NFKBIZ: variants seen among roughly 807,000 people sequenced by gnomAD.
NFKBIZ encodes the protein NFKB inhibitor zeta, also known as NF-kappa-B inhibitor zeta.
In NFKBIZ, 19 loss-of-function variants were observed where a neutral mutation model predicts 76.8. The observed-to-expected ratio is 0.25, with a 90% CI of 0.17 to 0.36. NFKBIZ has a LOEUF of 0.36. Among genes scored for constraint, NFKBIZ ranks in the 10% least tolerant of loss-of-function variants. The pLI is 1.00. For missense variants in NFKBIZ, 829 were observed against 910.9 expected (o/e 0.91, Z 1.16); for synonymous variants, 368 against 354.8 (o/e 1.04, Z -0.42).
At chr3:101,847,747 T>C (rs753532900), upstream of NFKBIZ, among the ~76,000 whole-genome samples, 3 of 152,250 alleles carry the variant, frequency 2.0e-5, no homozygotes, top group Non-Finnish European at 4.4e-5. Context: ...ATGGAGTTCA[T>C]TATTGACTTA....
At chr3:101,853,957 C>T in intron 5 of NFKBIZ, 94 bp downstream of exon 5, 1 of 1,230,146 alleles carries the variant, frequency 8.1e-7, no homozygotes, top group Non-Finnish European at 1.1e-6. Flanking sequence ...CAAGGTATAC[C>T]TTAGTTAGTG....
chr3:101,834,627 C>T (rs921130051), intron 2 of NFKBIZ, among the ~76,000 whole-genome samples: 9 of 152,258 alleles, frequency 5.9e-5, no homozygotes, highest in Non-Finnish European at 1.2e-4. Flanking sequence ...TCCCAAAGTG[C>T]TGGGATCACA....
At chr3:101,837,159 G>A (rs1029432895) in intron 2 of NFKBIZ, among the ~76,000 whole-genome samples, 3 of 152,108 alleles carry the variant, frequency 2.0e-5, no homozygotes, top group Non-Finnish European at 4.4e-5. Flanking sequence ...ACCTTAGGTA[G>A]GATAGGCATT....
At chr3:101,852,816 A>G (rs1331886779) in intron 3 of NFKBIZ, 48 bp downstream of exon 3, 36 of 1,602,746 alleles carry the variant, frequency 2.2e-5, no homozygotes, top group Non-Finnish European at 2.9e-5. Context: ...TGGAGTAAAT[A>G]ATAGAGTGTA....
At chr3:101,849,507 C>G (rs975879576), upstream of NFKBIZ, 4 of 857,674 alleles carry the variant, frequency 4.7e-6, no homozygotes, top group African/African-American at 3.6e-5. Context: ...AGTCCCGCGC[C>G]GCGCCCGTAC....
rs1254005751 is a variant in NFKBIZ, at chr3:101,855,851, G to T, written c.1773G>T (p.Leu591=). 16 of 1,613,430 alleles carry T rather than the reference G, an allele frequency of 9.9e-6. No individual in the cohort carries two copies. The highest frequency in any genetic ancestry group is 1.3e-5 in the African/African-American group (1 of 74,818). The part of the protein sequence containing the change: ...VQELLLKNKS[L]VDTIKCLIQM... ...AGCTTTTACTGAAGAATAAGAGTCT[G>T]GTTGATACCATTAAGTGCCTAATTC... Residue 591 remains leucine, a synonymous_variant, in exon 9 of 12, where the codon CTG becomes CTT. Coordinates refer to ENST00000326172, the MANE Select transcript of NFKBIZ (RefSeq NM_031419.4).
chr3:101,846,748 T>C (rs956006566), upstream of NFKBIZ, among the ~76,000 whole-genome samples: 8 of 152,236 alleles, frequency 5.3e-5, no homozygotes, highest in African/African-American at 1.9e-4. Context: ...GAAACTCTAA[T>C]GTATTAGGGT....
chr3:101,839,850 C>G (rs757246661), intron 2 of NFKBIZ, among the ~76,000 whole-genome samples: 9 of 152,168 alleles, frequency 5.9e-5, no homozygotes, highest in Non-Finnish European at 1.0e-4. Flanking sequence ...TGTAAATTAG[C>G]TTATTAGTTT....
At chr3:101,855,038 C>G in intron 6 of NFKBIZ, 24 bp from the exon 7 acceptor site, 1 of 1,568,030 alleles carries the variant, frequency 6.4e-7, no homozygotes, top group Non-Finnish European at 8.6e-7. Flanking sequence ...TTTAAAATAT[C>G]TTTTTTCCTC....
chr3:101,831,734 G>C (rs604521), intron 2 of NFKBIZ, among the ~76,000 whole-genome samples: 2 of 151,688 alleles, frequency 1.3e-5, no homozygotes, highest in Non-Finnish European at 2.9e-5. Flanking sequence ...TCCGCCTTCC[G>C]AGTTTAAGTG....
At chr3:101,842,181 GAAGTGTTGGATATT>G (rs1474417908) in intron 2 of NFKBIZ, among the ~76,000 whole-genome samples, 1 of 152,136 alleles carries the variant, frequency 6.6e-6, no homozygotes, top group African/African-American at 2.4e-5. Flanking sequence ...AAAGGCTCCA[GAAGTGTTGGATATT>G]AAGTGAGTCT....
chr3:101,847,980 T>TC (rs905724753), upstream of NFKBIZ, among the ~76,000 whole-genome samples: 1 of 151,918 alleles, frequency 6.6e-6, no homozygotes, highest in African/African-American at 2.4e-5. Context: ...CTTTCATTTC[T>TC]CCCCCCCTCC....
intron 6 of NFKBIZ, 39 bp downstream of exon 6, chr3:101,854,722 G>T: frequency 7.0e-7 from 1 of 1,428,360 alleles, no homozygotes; most frequent in Non-Finnish European, 9.9e-7. Context: ...CAAAGAGGGG[G>T]TCATGGTGAA....
At position 101,853,681 on chromosome 3, in the gene NFKBIZ, G is replaced by C; in HGVS notation, c.1155G>C (p.Met385Ile). 6.2e-7 allele frequency: 1 copy of C among 1,614,240 alleles called. No homozygotes were observed. The highest frequency in any genetic ancestry group is 2.2e-5 in the East Asian group (1 of 44,888). Residue 385 changes from methionine to isoleucine, a missense_variant, in exon 5 of 12, where the codon ATG (methionine) becomes ATC (isoleucine). By Grantham distance (10) the Met-to-Ile change is conservative. Transcript: ENST00000326172. Reference protein sequence around the residue: ...SMMPSSACEAMVGHEMASDSS... With the variant: ...SMMPSSACEAIVGHEMASDSS... ...TGCCCAGCAGCGCCTGTGAGGCCAT[G>C]GTGGGGCACGAGATGGCCTCTGACT...
intron 2 of NFKBIZ, 90 bp from the exon 3 acceptor site, chr3:101,852,648 T>C (rs1391126004): frequency 4.8e-6 from 4 of 827,488 alleles, no homozygotes; most frequent in Non-Finnish European, 7.9e-6. Context: ...TGGTAAGCTA[T>C]AAAGGGTGGT....
At position 101,855,327 on chromosome 3, in the gene NFKBIZ, C is replaced by T. The variant is rs755747834; in HGVS notation, c.1591-68C>T. The T allele has an allele frequency of 1.3e-5, 21 of 1,606,204 alleles. No individual in the cohort carries two copies. In the Admixed American group the frequency reaches 2.2e-4, roughly 17 times the overall value. On this transcript the variant is annotated intron_variant, in intron 7 of 11. Coordinates refer to ENST00000326172, the MANE Select transcript of NFKBIZ (RefSeq NM_031419.4). ...CTATTTTGAGTTAACTTATTCATTT[C>T]TTGGGGATTCTAATAGGTATATGCG...
rs1268026335 is a variant in NFKBIZ, at chr3:101,849,758, GC to G, written c.134del (p.Pro45ArgfsTer72). ...YFYGASPPAAAPGACDASCSV... is the reference protein window; with the variant it reads ...YFYGASPPAAXPGACDASCSV... ...CTACGGCGCGTCGCCGCCCGCCGCC[GC>G]CCCGGGCGCCTGCGACGCCAGCTGC... On this transcript the variant is annotated frameshift_variant, in exon 1 of 12. Transcript: ENST00000326172. LOFTEE classifies it high-confidence loss of function. 1.4e-6 allele frequency: 2 copies of G among 1,451,564 alleles called. No individual in the cohort carries two copies. The highest frequency in any genetic ancestry group is 1.3e-5 in the South Asian group (1 of 74,836). The allele number at this position is 1,451,564 out of a possible 1,614,324, so 89.9% of individuals were successfully genotyped here.
In NFKBIZ at chr3:101,855,781, A is replaced by G. The variant is rs761214038; in HGVS notation, c.1703A>G (p.His568Arg). 9.9e-6 allele frequency: 16 copies of G among 1,613,932 alleles called. No individual in the cohort carries two copies. The highest frequency in any genetic ancestry group is 2.2e-5 in the East Asian group (1 of 44,882). The change falls in exon 9 of 12, where the codon CAT (histidine) becomes CGT (arginine). Residue 568 changes from histidine to arginine, a missense_variant. This residue lies in a region of NFKBIZ where 272 missense variants were observed against 384.2 expected (regional missense o/e 0.71). Transcript: ENST00000326172. ...CAVIAHNAVVHELQRNQQPHS... is the reference protein window; with the variant it reads ...CAVIAHNAVVRELQRNQQPHS... ...GTCATAGCCCACAATGCTGTGGTCC[A>G]TGAACTCCAGAGAAATCAACAGCCT...
At chr3:101,853,032 A>G in intron 4 of NFKBIZ, 43 bp downstream of exon 4, 1 of 1,612,794 alleles carries the variant, frequency 6.2e-7, no homozygotes, top group Non-Finnish European at 8.5e-7. Context: ...TTTGGAAATT[A>G]TTCCTGGGAT....
Sources: allele counts gnomAD v4.1 joint callset (sites outside exome capture counted in the v4.1 genomes callset), GRCh38; gene constraint gnomAD v4.1.1; regional missense constraint gnomAD v4.1.1; transcripts MANE v1.5; gene names NCBI Gene and HGNC (gene_info 2026-07-23, HGNC 2026-07-21).